Variants in TAOK2 observed in about 807,000 individuals in gnomAD.
TAOK2 encodes the protein serine/threonine-protein kinase TAO2.
Under a neutral mutation model 122.5 loss-of-function variants are expected in TAOK2, and 42 were observed. The ratio of observed to expected loss-of-function variants is 0.34; its 90% CI spans 0.27 to 0.44. The LOEUF (loss-of-function observed/expected upper bound fraction) is 0.44, where lower values mean the gene tolerates loss of function less well. Ranked by LOEUF, TAOK2 falls within the 20% of genes least tolerant of loss-of-function variation. The probability of loss-of-function intolerance (pLI) is 1.00; values close to 1 mark genes in which losing one functional copy is unlikely to be tolerated. For missense variants in TAOK2, 1,264 were observed against 1,644.9 expected (o/e 0.77, Z 4.01); for synonymous variants, 704 against 677.6 (o/e 1.04, Z -0.61).
intron 2 of TAOK2, 33 bp downstream of exon 2, chr16:29,977,937 T>TGG: frequency 6.2e-7 from 1 of 1,614,024 alleles, no homozygotes; most frequent in Non-Finnish European, 8.5e-7. Context: ...GTAATAGGGA[T>TGG]GGGGACTCTT....
At position 29,982,904 on chromosome 16, in the gene TAOK2, G is replaced by A. The variant is rs1488320668; in HGVS notation, c.999+3G>A. The A allele has an allele frequency of 6.2e-7, 1 of 1,613,534 alleles. No homozygotes were observed. The highest frequency in any genetic ancestry group is 1.3e-5 in the African/African-American group (1 of 74,864). Reference sequence around the variant, plus strand: ...CCGAGGCCCCAGAGGAGGAAGAGGTGACCCAGCTTGCCCTAACACCCCTCT... The same window carrying A: ...CCGAGGCCCCAGAGGAGGAAGAGGTAACCCAGCTTGCCCTAACACCCCTCT... On this transcript the variant is annotated splice_donor_region_variant and intron_variant, in intron 11 of 15. Coordinates refer to ENST00000308893, the MANE Select transcript of TAOK2 (RefSeq NM_016151.4).
Position 29,988,009 on chromosome 16 carries a change from A to G in TAOK2, c.*29A>G. 1.3e-5 allele frequency: 20 copies of G among 1,508,184 alleles called. No individual in the cohort carries two copies. Among genetic ancestry groups the G allele is most frequent in the Non-Finnish European group, 1.8e-5 (20 of 1,137,010 alleles). 93.4% of individuals were successfully genotyped at this position (1,508,184 alleles called of 1,614,324 possible). ...ACTCCAGCCCTTCCAGCCCAAATCT[A>G]GAGCATTGAGCACTTTATCTCCCAC... On this transcript the variant is annotated 3_prime_UTR_variant, in exon 16 of 16. Coordinates refer to ENST00000308893, the MANE Select transcript of TAOK2 (RefSeq NM_016151.4).
chr16:29,988,360 A>G lies in TAOK2; in HGVS notation c.*380A>G. ...TCCCCTTCCCCCCACCAAAAAAAGA[A>G]AAAGACAAACACAAATAAAATATCT... On this transcript the variant is annotated 3_prime_UTR_variant, in exon 16 of 16. Coordinates refer to ENST00000308893, the MANE Select transcript of TAOK2 (RefSeq NM_016151.4). 2 of 1,354,678 alleles carry G rather than the reference A, an allele frequency of 1.5e-6. No homozygotes were observed. The highest frequency in any genetic ancestry group is 1.2e-5 in the South Asian group (1 of 81,382). The allele number at this position is 1,354,678 out of a possible 1,614,324, so 83.9% of individuals were successfully genotyped here.
chr16:29,981,520 A>G, intron 8 of TAOK2, 141 bp from the exon 9 acceptor site: 1 of 759,266 alleles, frequency 1.3e-6, no homozygotes. Flanking sequence ...CTGAGACGCA[A>G]CAGGATGATG....
At chr16:29,990,973 G>T (rs776098637), downstream of TAOK2, 10 of 1,609,610 alleles carry the variant, frequency 6.2e-6, no homozygotes, top group Admixed American at 3.3e-5. Context: ...GCGGGTAAGG[G>T]GCCCAGCCTC....
chr16:29,983,714 CTTTT>C (rs747418070), intron 13 of TAOK2, 50 bp downstream of exon 13: 2 of 1,566,350 alleles, frequency 1.3e-6, no homozygotes, highest in Non-Finnish European at 1.7e-6. Flanking sequence ...TTTTTTAAGT[CTTTT>C]TAAGTCTAGA....
At chr16:29,977,974 C>T (rs2069506360) in intron 2 of TAOK2, 70 bp downstream of exon 2, 2 of 1,612,138 alleles carry the variant, frequency 1.2e-6, no homozygotes, top group Admixed American at 1.7e-5. Context: ...TCCCAACAGC[C>T]CTTGCACACT....
downstream of TAOK2, chr16:29,988,645 C>T (rs867625329): frequency 7.1e-6 from 7 of 985,314 alleles, no homozygotes; most frequent in African/African-American, 1.7e-5. Flanking sequence ...CGCCTGTTTG[C>T]GGGTTCCTTC....
chr16:29,977,500 C>T (rs2069491118), intron 1 of TAOK2, among the ~76,000 whole-genome samples: 1 of 152,156 alleles, frequency 6.6e-6, no homozygotes, highest in Non-Finnish European at 1.5e-5. Flanking sequence ...TACTTAGCTT[C>T]CCAGAATCTT....
chr16:29,983,434 T>C (rs988154411), intron 12 of TAOK2, 69 bp from the exon 13 acceptor site: 7 of 1,564,422 alleles, frequency 4.5e-6, no homozygotes, highest in Non-Finnish European at 6.1e-6. Context: ...TCTGATTGGC[T>C]GTCCTCAGGT....
chr16:29,982,881 G>A lies in TAOK2; in HGVS notation c.979G>A (p.Glu327Lys), dbSNP rs1013425351. Residue 327 changes from glutamate to lysine, a missense_variant, in exon 11 of 16, where the codon GAG becomes AAG. By Grantham distance (56) the Glu-to-Lys change is moderately conservative. Around this residue, in one of 4 missense-constraint regions of TAOK2, gnomAD observed 254 missense variants for 503.8 expected, o/e 0.50. Transcript: ENST00000308893. ...AGAGGCACCCAACGGCCCTGGTGCC[G>A]AGGCCCCAGAGGAGGAAGAGGTGAC... ...FQEAPNGPGAEAPEEEEEAEP... is the reference protein window; with the variant it reads ...FQEAPNGPGAKAPEEEEEAEP... 4 of 1,613,840 alleles carry A rather than the reference G, an allele frequency of 2.5e-6. No homozygotes were observed. Among genetic ancestry groups the A allele is most frequent in the African/African-American group, 2.7e-5 (2 of 74,874 alleles).
Position 29,987,051 on chromosome 16 carries a change from C to A in TAOK2, c.2779C>A (p.Pro927Thr). The change falls in exon 16 of 16, where the codon CCT (proline) becomes ACT (threonine). Residue 927 changes from proline (P) to threonine (T), a missense_variant. By Grantham distance (38) the Pro-to-Thr change is conservative. Around this residue, in one of 4 missense-constraint regions of TAOK2, gnomAD observed 824 missense variants for 908.7 expected, o/e 0.91. Coordinates refer to ENST00000308893, the MANE Select transcript of TAOK2 (RefSeq NM_016151.4). ...PGDGCPSPDI[P>T]PEPPPTHLRP... ...AGATGGTTGTCCTTCCCCCGACATC[C>A]CTCCTGAACCCCCTCCAACACACCT... is the stretch of plus-strand genomic sequence containing the variant. 1 of 1,613,082 alleles carries A rather than the reference C, an allele frequency of 6.2e-7. No homozygotes were observed. Among genetic ancestry groups the A allele is most frequent in the Non-Finnish European group, 8.5e-7 (1 of 1,179,348 alleles).
At chr16:29,989,344 C>T (rs904824610), downstream of TAOK2, 52 of 985,134 alleles carry the variant, frequency 5.3e-5, no homozygotes, top group Non-Finnish European at 5.8e-5. Context: ...TCTTGCCCAT[C>T]GAGACCTTCC....
chr16:29,978,942 C>T (rs752222457), intron 5 of TAOK2, 32 bp from the exon 6 acceptor site: 2 of 1,613,816 alleles, frequency 1.2e-6, no homozygotes, highest in South Asian at 1.1e-5. Flanking sequence ...CCCTTGCGCT[C>T]CCTCGGGTTG....
chr16:29,987,605 G>A lies in TAOK2; in HGVS notation c.3333G>A (p.Leu1111=), dbSNP rs761122944. ...QGCGAVGDRG[L]FALYPKTNKD... is the part of the protein sequence containing the mutation. ...GTGGGGCTGTGGGGGACCGGGGTCT[G>A]TTTGCACTGTACCCCAAAACCAACA... Residue 1111 remains leucine (L), a synonymous_variant, in exon 16 of 16, where the codon CTG becomes CTA. Coordinates refer to ENST00000308893, the MANE Select transcript of TAOK2 (RefSeq NM_016151.4). 3 of 1,612,996 alleles carry A rather than the reference G, an allele frequency of 1.9e-6. No individual in the cohort carries two copies. The highest frequency in any genetic ancestry group is 2.2e-5 in the East Asian group (1 of 44,846).
At position 29,978,337 on chromosome 16, in the gene TAOK2, G is replaced by A. The variant is rs757559465; in HGVS notation, c.290G>A (p.Arg97Lys). ...ATTCAGTACCGGGGCTGTTACCTGA[G>A]GGAGCACACGGCTTGGGTGAGCTGG... ...NTIQYRGCYL[R>K]EHTAWLVMEY... Residue 97 changes from arginine (R) to lysine (K), a missense_variant, in exon 4 of 16, where the codon AGG becomes AAG. By Grantham distance (26) the Arg-to-Lys change is conservative. This residue lies in a region of TAOK2 where 254 missense variants were observed against 503.8 expected (regional missense o/e 0.50). Transcript: ENST00000308893. 1 of 1,614,142 alleles carries A rather than the reference G, an allele frequency of 6.2e-7. No homozygotes were observed. The highest frequency in any genetic ancestry group is 8.5e-7 in the Non-Finnish European group (1 of 1,180,020).
At position 29,987,758 on chromosome 16, in the gene TAOK2, A is replaced by G. The variant is rs770546071; in HGVS notation, c.3486A>G (p.Ala1162=). 1.9e-6 allele frequency: 3 copies of G among 1,613,994 alleles called. No individual in the cohort carries two copies. Among genetic ancestry groups the G allele is most frequent in the Admixed American group, 3.3e-5 (2 of 60,026 alleles). ...GCAAGGGCTGGAACTGGCGTCTGGCACGGGCCAGCCAGGGTTTAGCATCCC... is the reference window on the plus strand; with the variant it reads ...GCAAGGGCTGGAACTGGCGTCTGGCGCGGGCCAGCCAGGGTTTAGCATCCC... ...VLCKGWNWRL[A]RASQGLASHL... The change falls in exon 16 of 16, where the codon GCA becomes GCG. Residue 1162 remains alanine, a synonymous_variant. Transcript: ENST00000308893.
rs1222639960 is a variant in TAOK2, at chr16:29,983,141, A to G, written c.1069A>G (p.Met357Val). The change falls in exon 12 of 16, where the codon ATG becomes GTG. Residue 357 changes from methionine to valine, a missense_variant. This residue lies in a region of TAOK2 where 254 missense variants were observed against 503.8 expected (regional missense o/e 0.50). Coordinates refer to ENST00000308893, the MANE Select transcript of TAOK2 (RefSeq NM_016151.4). ...CGAGAGTAGCCACTCAGTGCCCAGC[A>G]TGTCCATCAGCGCCTCCAGCCAGAG... ...SLESSHSVPS[M>V]SISASSQSSS... is the part of the protein sequence containing the mutation. 1.9e-6 allele frequency: 3 copies of G among 1,613,994 alleles called. No homozygotes were observed. Among genetic ancestry groups the G allele is most frequent in the African/African-American group, 2.7e-5 (2 of 74,904 alleles).
intron 10 of TAOK2, among the ~76,000 whole-genome samples, chr16:29,982,284 G>C (rs992120181): frequency 6.6e-6 from 1 of 152,196 alleles, no homozygotes; most frequent in Admixed American, 6.5e-5. Flanking sequence ...GTAAATGTAT[G>C]ATTTCCCTTA....
Sources: allele counts gnomAD v4.1 joint callset (sites outside exome capture counted in the v4.1 genomes callset), GRCh38; gene constraint gnomAD v4.1.1; regional missense constraint gnomAD v4.1.1; transcripts MANE v1.5; gene names NCBI Gene and HGNC (gene_info 2026-07-23, HGNC 2026-07-21).